PTPRD: variants seen among roughly 807,000 people sequenced by gnomAD.
PTPRD encodes protein tyrosine phosphatase receptor type D.
In PTPRD, 34 loss-of-function variants were observed where a neutral mutation model predicts 214.5. The ratio of observed to expected loss-of-function variants is 0.16; its 90% CI spans 0.12 to 0.21. The LOEUF (loss-of-function observed/expected upper bound fraction) is 0.21. Ranked by LOEUF, PTPRD falls within the 10% of genes least tolerant of loss-of-function variation. The pLI, the probability that PTPRD is intolerant of heterozygous loss-of-function variation, is 1.00. For missense variants in PTPRD, 2,545 were observed against 2,398.7 expected (o/e 1.06, Z -1.27); for synonymous variants, 1,128 against 845.7 (o/e 1.33, Z -5.79).
At chr9:9,264,639 C>T (rs1569566059) in intron 9 of PTPRD, among the ~76,000 whole-genome samples, 1 of 151,464 alleles carries the variant, frequency 6.6e-6, no homozygotes, top group Non-Finnish European at 1.5e-5. Flanking sequence ...TGGCTGAACC[C>T]TTTCCAAATC....
At chr9:8,564,742 A>G (rs2088178449) in intron 14 of PTPRD, among the ~76,000 whole-genome samples, 1 of 152,130 alleles carries the variant, frequency 6.6e-6, no homozygotes, top group Non-Finnish European at 1.5e-5. Context: ...GTCATGTTAC[A>G]TTGATCTTGA....
chr9:8,937,833 G>T (rs1363793254), intron 11 of PTPRD, among the ~76,000 whole-genome samples: 1 of 152,094 alleles, frequency 6.6e-6, no homozygotes, highest in Non-Finnish European at 1.5e-5. Context: ...AGAATCTTGT[G>T]GCTACATTTT....
intron 11 of PTPRD, among the ~76,000 whole-genome samples, chr9:9,004,148 A>T (rs1393843520): frequency 6.6e-6 from 1 of 152,016 alleles, no homozygotes; most frequent in Non-Finnish European, 1.5e-5. Flanking sequence ...AGCTTTTGTC[A>T]ATCAGAACTC....
intron 3 of PTPRD, among the ~76,000 whole-genome samples, chr9:10,105,356 G>T (rs913767431): frequency 9.9e-5 from 15 of 151,808 alleles, no homozygotes; most frequent in African/African-American, 3.6e-4. Context: ...TTTTATGATT[G>T]CTGCAACATA....
chr9:9,722,785 T>A (rs1041788245), intron 7 of PTPRD, among the ~76,000 whole-genome samples: 2 of 152,162 alleles, frequency 1.3e-5, no homozygotes, highest in East Asian at 3.9e-4. Context: ...TACCTTGTGG[T>A]TTTGATTTGC....
At position 8,626,035 on chromosome 9, in the gene PTPRD, G is replaced by C. The variant is rs2096020576; in HGVS notation, c.352+7282C>G. On this transcript the variant is annotated intron_variant, in intron 14 of 45. Transcript: ENST00000381196. ...TAAGGAGATACGTAATTAGGGCTTT[G>C]ATAATTAAACCCTAGATGAGGCATT... Among the ~76,000 whole-genome samples the C allele has an allele frequency of 2.0e-5, 3 of 151,698 alleles. No individual in the cohort carries two copies. In the South Asian group the frequency reaches 6.2e-4, roughly 31 times the overall value.
intron 3 of PTPRD, among the ~76,000 whole-genome samples, chr9:10,065,330 A>G (rs1050806838): frequency 1.3e-5 from 2 of 151,910 alleles, no homozygotes; most frequent in Admixed American, 1.3e-4. Context: ...GCTTTCTGTT[A>G]TTAGCCACCA....
chr9:9,269,461 T>TA (rs1382509264), intron 9 of PTPRD, among the ~76,000 whole-genome samples: 3 of 147,946 alleles, frequency 2.0e-5, no homozygotes, highest in South Asian at 2.1e-4. Context: ...TCAAAAAAAA[T>TA]AAAAATAAGA....
chr9:10,498,386 C>CA (rs1286813206), intron 2 of PTPRD, among the ~76,000 whole-genome samples: 1 of 151,558 alleles, frequency 6.6e-6, no homozygotes, highest in Non-Finnish European at 1.5e-5. Context: ...GTTTGCATAC[C>CA]AAAAAAATTA....
chr9:10,240,290 C>T (rs372134290), intron 3 of PTPRD, among the ~76,000 whole-genome samples: 5 of 151,948 alleles, frequency 3.3e-5, no homozygotes, highest in East Asian at 3.9e-4. Flanking sequence ...ATCAAATACA[C>T]TTGCTATGCC....
chr9:9,837,923 C>T (rs1329960858), intron 5 of PTPRD, among the ~76,000 whole-genome samples: 1 of 152,142 alleles, frequency 6.6e-6, no homozygotes, highest in African/African-American at 2.4e-5. Flanking sequence ...CCCCACTCCC[C>T]CAACCCCACA....
intron 9 of PTPRD, among the ~76,000 whole-genome samples, chr9:9,243,704 G>T (rs1569565522): frequency 6.6e-6 from 1 of 152,118 alleles, no homozygotes. Context: ...GCAAAAACTG[G>T]AAGCATTCCC....
intron 11 of PTPRD, among the ~76,000 whole-genome samples, chr9:8,965,988 C>A (rs2154326106): frequency 6.6e-6 from 1 of 152,106 alleles, no homozygotes; most frequent in East Asian, 1.9e-4. Context: ...TTTCTATACA[C>A]CAATAATGAT....
At chr9:9,066,878 A>G (rs1235813849) in intron 10 of PTPRD, among the ~76,000 whole-genome samples, 1 of 152,214 alleles carries the variant, frequency 6.6e-6, no homozygotes, top group Non-Finnish European at 1.5e-5. Flanking sequence ...CTGGCCAGAA[A>G]TTCAAGAACT....
chr9:9,321,524 C>T (rs950715997), intron 9 of PTPRD, among the ~76,000 whole-genome samples: 3 of 140,202 alleles, frequency 2.1e-5, no homozygotes, highest in African/African-American at 8.0e-5. Context: ...CATTGCACCC[C>T]AGCCTGGGCA....
intron 11 of PTPRD, among the ~76,000 whole-genome samples, chr9:8,888,518 AC>A (rs2098510657): frequency 6.6e-6 from 1 of 152,220 alleles, no homozygotes; most frequent in Admixed American, 6.5e-5. Flanking sequence ...AAGATGACAA[AC>A]ATTGTCTCCC....
chr9:8,731,890 G>C (rs377286573), intron 12 of PTPRD, among the ~76,000 whole-genome samples: 1 of 152,238 alleles, frequency 6.6e-6, no homozygotes, highest in African/African-American at 2.4e-5. Flanking sequence ...ATTTGGCCAA[G>C]TTGAAGCCTG....
At chr9:9,538,371 T>C (rs538309861) in intron 8 of PTPRD, among the ~76,000 whole-genome samples, 2 of 152,114 alleles carry the variant, frequency 1.3e-5, no homozygotes, top group South Asian at 4.1e-4. Flanking sequence ...GAGACAACCA[T>C]TAAGCATAAA....
chr9:9,908,167 T>C (rs1430356447), intron 5 of PTPRD, among the ~76,000 whole-genome samples: 3 of 151,792 alleles, frequency 2.0e-5, no homozygotes, highest in South Asian at 2.1e-4. Context: ...TCCATGGAGA[T>C]TGAAAGAAGA....
Sources: gnomAD v4.1 joint callset for allele counts (sites outside exome capture counted in the v4.1 genomes callset) on GRCh38, gnomAD v4.1.1 for gene constraint, MANE v1.5 for transcripts, NCBI Gene and HGNC (gene_info 2026-07-23, HGNC 2026-07-21) for gene names.